Variants in DLG2 observed in about 807,000 individuals in gnomAD.
The protein encoded by DLG2 is disks large homolog 2.
In DLG2, 45 loss-of-function variants were observed where a neutral mutation model predicts 132.5. That is an observed-to-expected ratio of 0.34 (90% CI 0.27 to 0.44). DLG2 has a LOEUF of 0.44. DLG2 is among the 20% of genes least tolerant of loss of function. The pLI is 1.00. For synonymous variants in DLG2, 424 were observed against 419.6 expected, an observed-to-expected ratio of 1.01 and a Z score of -0.13; for missense variants, 1,045 against 1,196.9, an observed-to-expected ratio of 0.87 and a Z score of 1.87.
At chr11:85,063,357 T>C (rs114146980) in intron 6 of DLG2, among the ~76,000 whole-genome samples, 379 of 151,984 alleles carry the variant, frequency 2.5e-3, no homozygotes, top group African/African-American at 8.8e-3. Flanking sequence ...AATTCTCTCA[T>C]AGTCCACTGC....
At chr11:83,932,269 C>T (rs1337570140) in intron 14 of DLG2, among the ~76,000 whole-genome samples, 2 of 151,078 alleles carry the variant, frequency 1.3e-5, no homozygotes, top group African/African-American at 4.9e-5. Flanking sequence ...TAATCTCACT[C>T]TGTCACCCAG....
chr11:85,256,624 GCT>G (rs1480191641), intron 4 of DLG2, among the ~76,000 whole-genome samples: 8 of 152,070 alleles, frequency 5.3e-5, no homozygotes, highest in African/African-American at 1.9e-4. Context: ...GCTCACCCTA[GCT>G]CCTGCACCCG....
chr11:84,492,183 TA>T (rs1011607376), intron 7 of DLG2, among the ~76,000 whole-genome samples: 1 of 152,168 alleles, frequency 6.6e-6, no homozygotes, highest in African/African-American at 2.4e-5. Context: ...CTAGTATGAA[TA>T]AAAGGGTTTT....
intron 6 of DLG2, among the ~76,000 whole-genome samples, chr11:84,580,374 G>A (rs1197826582): frequency 2.0e-5 from 3 of 152,164 alleles, no homozygotes; most frequent in Non-Finnish European, 4.4e-5. Flanking sequence ...TCTTTGACTT[G>A]TACTTACAGT....
chr11:84,657,716 C>G (rs116923871), intron 6 of DLG2, among the ~76,000 whole-genome samples: 3,270 of 152,262 alleles, frequency 0.021, 45 homozygotes, highest in Middle Eastern at 0.048. Context: ...ACTCAGTCAC[C>G]TGCTGCTCTC....
chr11:85,070,277 A>G (rs2065637009), intron 6 of DLG2, among the ~76,000 whole-genome samples: 1 of 151,328 alleles, frequency 6.6e-6, no homozygotes, highest in East Asian at 2.0e-4. Flanking sequence ...TGTTGTGCAC[A>G]TGTACCCTAG....
At chr11:83,549,749 C>T (rs964705717) in intron 19 of DLG2, among the ~76,000 whole-genome samples, 19 of 152,250 alleles carry the variant, frequency 1.2e-4, no homozygotes, top group South Asian at 2.1e-4. Flanking sequence ...TTCGTCCACT[C>T]GTGCATTTAG....
intron 7 of DLG2, chr11:84,273,125 G>C: frequency 7.4e-6 from 11 of 1,482,550 alleles, no homozygotes; most frequent in Non-Finnish European, 9.8e-6. Flanking sequence ...AGAATCCCTA[G>C]GAAAATAAAA....
chr11:85,500,171 T>C (rs927340016), intron 3 of DLG2, among the ~76,000 whole-genome samples: 1 of 152,100 alleles, frequency 6.6e-6, no homozygotes, highest in Non-Finnish European at 1.5e-5. Context: ...CCTTTGCAGA[T>C]GACATGATTG....
intron 21 of DLG2, among the ~76,000 whole-genome samples, chr11:83,519,811 A>G (rs1365833515): frequency 6.6e-6 from 1 of 152,202 alleles, no homozygotes; most frequent in African/African-American, 2.4e-5. Flanking sequence ...TACCTGCAAC[A>G]AAGCAATCAT....
chr11:83,891,271 A>G (rs1596018997), intron 15 of DLG2, among the ~76,000 whole-genome samples: 1 of 77,872 alleles, frequency 1.3e-5, no homozygotes, highest in African/African-American at 6.4e-5. Flanking sequence ...AAAGACTAAG[A>G]AGGAGAGAAT....
chr11:85,425,816 G>T (rs1043277306), intron 3 of DLG2, among the ~76,000 whole-genome samples: 1 of 152,136 alleles, frequency 6.6e-6, no homozygotes, highest in Admixed American at 6.6e-5. Context: ...AGCACACCAA[G>T]CAAGAGCCGA....
At chr11:84,564,880 G>C (rs1014301273) in intron 6 of DLG2, among the ~76,000 whole-genome samples, 10 of 152,158 alleles carry the variant, frequency 6.6e-5, no homozygotes, top group African/African-American at 2.4e-4. Context: ...ATATGACAGT[G>C]CAACATGATG....
intron 7 of DLG2, among the ~76,000 whole-genome samples, chr11:84,429,810 A>T (rs1399636460): frequency 2.6e-5 from 4 of 152,196 alleles, no homozygotes; most frequent in Non-Finnish European, 5.9e-5. Context: ...CCAACGTAAT[A>T]TCACTCAACA....
intron 6 of DLG2, among the ~76,000 whole-genome samples, chr11:84,622,216 AT>A (rs1409025708): frequency 9.2e-5 from 14 of 152,180 alleles, no homozygotes; most frequent in African/African-American, 3.1e-4. Flanking sequence ...AGAGAAAAAA[AT>A]ATTTATATTT....
chr11:84,967,897 A>T (rs2053552955), intron 6 of DLG2, among the ~76,000 whole-genome samples: 1 of 152,116 alleles, frequency 6.6e-6, no homozygotes, highest in Non-Finnish European at 1.5e-5. Flanking sequence ...TTCTAAGAAA[A>T]TAAGCTTCTA....
Position 85,565,700 on chromosome 11 carries a change from T to C in DLG2, c.40+32957A>G, listed in dbSNP as rs61453055. ...TGTATCAGCACTTCATTCCTTTTTA[T>C]AGCCAAATGGGTACTCCACTGTGAA... On this transcript the variant is annotated intron_variant, in intron 3 of 27. Coordinates refer to ENST00000376104, the MANE Select transcript of DLG2 (RefSeq NM_001142699.3). Among the ~76,000 whole-genome samples, 1,397 of 152,228 alleles carry C rather than the reference T, an allele frequency of 9.2e-3. 19 individuals are homozygous for C. Among genetic ancestry groups the C allele is most frequent in the African/African-American group, 0.03 (1,247 of 41,550 alleles).
chr11:84,898,601 G>A (rs2090494829), intron 6 of DLG2, among the ~76,000 whole-genome samples: 1 of 151,752 alleles, frequency 6.6e-6, no homozygotes, highest in Non-Finnish European at 1.5e-5. Flanking sequence ...TAATATTTCT[G>A]GAAAATGTGC....
chr11:83,860,302 C>T (rs1171354833), intron 16 of DLG2, among the ~76,000 whole-genome samples: 3 of 152,194 alleles, frequency 2.0e-5, no homozygotes, highest in Non-Finnish European at 4.4e-5. Flanking sequence ...CCCATGAAAG[C>T]AGCTGGGAGG....
Sources: gnomAD v4.1 joint callset for allele counts (sites outside exome capture counted in the v4.1 genomes callset) on GRCh38, gnomAD v4.1.1 for gene constraint, MANE v1.5 for transcripts, NCBI Gene and HGNC (gene_info 2026-07-23, HGNC 2026-07-21) for gene names.